B3GNT5: variants seen among roughly 807,000 people sequenced by gnomAD.
The protein encoded by B3GNT5 is lactosylceramide 1,3-N-acetyl-beta-D-glucosaminyltransferase.
In B3GNT5, 11 loss-of-function variants were observed where a neutral mutation model predicts 25.9. The ratio of observed to expected loss-of-function variants is 0.42; its 90% CI spans 0.27 to 0.70. The LOEUF is 0.70. Among genes scored for constraint, B3GNT5 ranks in the 30% least tolerant of loss-of-function variants. B3GNT5 has a pLI of 0.23. For missense variants in B3GNT5, 385 were observed against 458.4 expected, an observed-to-expected ratio of 0.84 and a Z score of 1.46; for synonymous variants, 166 against 158.6, an observed-to-expected ratio of 1.05 and a Z score of -0.35.
intron 1 of B3GNT5, among the ~76,000 whole-genome samples, chr3:183,268,084 A>G (rs1390345051): frequency 6.6e-6 from 1 of 152,236 alleles, no homozygotes; most frequent in East Asian, 1.9e-4. Flanking sequence ...CAGGCTTCCC[A>G]GAGAAGGATG....
intron 1 of B3GNT5, among the ~76,000 whole-genome samples, chr3:183,261,038 T>G (rs982544392): frequency 6.6e-6 from 1 of 152,218 alleles, no homozygotes; most frequent in African/African-American, 2.4e-5. Context: ...AATGTAACAG[T>G]TGCAAAGATA....
rs1726884461 is a variant in B3GNT5, at chr3:183,272,724, A to G, written c.*1789A>G. 9.7e-7 allele frequency: 1 copy of G among 1,031,302 alleles called. No individual in the cohort carries two copies. Among genetic ancestry groups the G allele is most frequent in the Non-Finnish European group, 1.2e-6 (1 of 850,562 alleles). The allele number at this position is 1,031,302 out of a possible 1,614,324, so 63.9% of individuals were successfully genotyped here. On this transcript the variant is annotated 3_prime_UTR_variant, in exon 2 of 2. Transcript: ENST00000326505. ...CAAAAGCATATTTGACCAAGCAACA[A>G]GCTTATAATTAATTTTTATTAGTTG... is the stretch of plus-strand genomic sequence containing the variant.
In B3GNT5 at chr3:183,253,399, G is replaced by A. The variant is rs1724694496; in HGVS notation, c.-375G>A. 1 of 152,252 alleles carries A rather than the reference G, an allele frequency of 6.6e-6. No homozygotes were observed. Among genetic ancestry groups the A allele is most frequent in the African/African-American group, 2.4e-5 (1 of 41,464 alleles). The allele number at this position is 152,252 out of a possible 1,614,324, so 9.4% of individuals were successfully genotyped here. The stretch of plus-strand genomic sequence containing the variant: ...GGAAGGAAAGCCGACCTCCGATTTG[G>A]ACATTTAAAGAGCTGGGCTTGAACT... On this transcript the variant is annotated 5_prime_UTR_variant, in exon 1 of 2. Transcript: ENST00000326505.
intron 1 of B3GNT5, chr3:183,254,721 G>C (rs2108395292): frequency 6.6e-6 from 1 of 152,396 alleles, no homozygotes; most frequent in South Asian, 2.1e-4. Context: ...GAAAGCCCGT[G>C]TCGGGCTGGA....
exon 2 of B3GNT5, chr3:183,273,384 TATC>T (rs1316282034): frequency 3.1e-5 from 6 of 192,196 alleles, no homozygotes; most frequent in Middle Eastern, 2.2e-3. Context: ...ACTGAAAAAT[TATC>T]ATGAGATGTG....
At chr3:183,259,352 A>G (rs1269295946) in intron 1 of B3GNT5, among the ~76,000 whole-genome samples, 2 of 152,092 alleles carry the variant, frequency 1.3e-5, no homozygotes, top group Non-Finnish European at 2.9e-5. Context: ...AGCATGTTTT[A>G]TATCACATTA....
At chr3:183,269,154 C>G (rs537795519) in intron 1 of B3GNT5, among the ~76,000 whole-genome samples, 1 of 148,462 alleles carries the variant, frequency 6.7e-6, no homozygotes, top group East Asian at 2.0e-4. Flanking sequence ...TGACCATATT[C>G]AAGTCAGTAT....
chr3:183,269,331 TA>T (rs150891469), intron 1 of B3GNT5, among the ~76,000 whole-genome samples, 166 bp from the exon 2 acceptor site: 1 of 150,968 alleles, frequency 6.6e-6, no homozygotes, highest in Non-Finnish European at 1.5e-5. Context: ...TGTCCTCCTT[TA>T]AAAAAAATAA....
rs1396705175 is a variant in B3GNT5 at position 183,272,023 on chromosome 3, A to G, written c.*1088A>G. 2 of 467,842 alleles carry G rather than the reference A, an allele frequency of 4.3e-6. No homozygotes were observed. The highest frequency in any genetic ancestry group is 5.8e-6 in the Non-Finnish European group (2 of 343,672). 29.0% of individuals were successfully genotyped at this position (467,842 alleles called of 1,614,324 possible). ...GAGCATTAAACATCAAAGTTATAAT[A>G]TCTAAAACAATTTATTTTTCATCAA... On this transcript the variant is annotated 3_prime_UTR_variant, in exon 2 of 2. Transcript: ENST00000326505.
chr3:183,269,331 T>TA (rs150891469), intron 1 of B3GNT5, among the ~76,000 whole-genome samples, 167 bp from the exon 2 acceptor site: 1 of 150,970 alleles, frequency 6.6e-6, no homozygotes, highest in East Asian at 2.0e-4. Context: ...TGTCCTCCTT[T>TA]AAAAAAAATA....
chr3:183,261,377 G>A (rs1024611302), intron 1 of B3GNT5, among the ~76,000 whole-genome samples: 24 of 151,988 alleles, frequency 1.6e-4, no homozygotes, highest in Non-Finnish European at 2.5e-4. Context: ...GCATAAAGAT[G>A]GTACAGAAGA....
chr3:183,266,837 A>C (rs1355051232), intron 1 of B3GNT5, among the ~76,000 whole-genome samples: 1 of 150,114 alleles, frequency 6.7e-6, no homozygotes, highest in Non-Finnish European at 1.5e-5. Flanking sequence ...CCCAGGCTGG[A>C]GTGCAGTGGC....
At chr3:183,261,934 G>A (rs1420156089) in intron 1 of B3GNT5, among the ~76,000 whole-genome samples, 9 of 139,958 alleles carry the variant, frequency 6.4e-5, no homozygotes, top group East Asian at 2.1e-4. Context: ...TCAGACAACC[G>A]TTTTAGGAGG....
chr3:183,264,648 A>T (rs968501056), intron 1 of B3GNT5, among the ~76,000 whole-genome samples: 2 of 152,212 alleles, frequency 1.3e-5, no homozygotes, highest in Non-Finnish European at 2.9e-5. Context: ...TCTTGATTAA[A>T]ACTTCAAAAC....
In B3GNT5 at chr3:183,272,473, ATACT is replaced by A. The variant is rs1375283404; in HGVS notation, c.*1542_*1545del. On this transcript the variant is annotated 3_prime_UTR_variant, in exon 2 of 2. Transcript: ENST00000326505. ...TCTCAGTATACACAACTGAATGATG[ATACT>A]TACAATTTTTAGCAGGTAGCTTTTT... 9 of 999,364 alleles carry A rather than the reference ATACT, an allele frequency of 9.0e-6. No homozygotes were observed. The highest frequency in any genetic ancestry group is 1.1e-4 in the East Asian group (1 of 8,830). The allele number at this position is 999,364 out of a possible 1,614,324, so 61.9% of individuals were successfully genotyped here. A position where few individuals can be genotyped will look rare whatever the true frequency, so the allele number is the denominator to read the frequency against.
At chr3:183,268,736 A>G (rs74948314) in intron 1 of B3GNT5, among the ~76,000 whole-genome samples, 45 of 152,280 alleles carry the variant, frequency 3.0e-4, no homozygotes, top group African/African-American at 1.0e-3. Flanking sequence ...TCTTACCCCA[A>G]TTTGTCAAAT....
chr3:183,255,889 G>T (rs1343539984), intron 1 of B3GNT5, among the ~76,000 whole-genome samples: 1 of 151,954 alleles, frequency 6.6e-6, no homozygotes, highest in Admixed American at 6.6e-5. Context: ...GTTTTGAAAT[G>T]GGTCATCTTT....
chr3:183,270,144 T>C lies in B3GNT5; in HGVS notation c.346T>C (p.Tyr116His). 1 of 1,614,112 alleles carries C rather than the reference T, an allele frequency of 6.2e-7. No homozygotes were observed. Among genetic ancestry groups the C allele is most frequent in the African/African-American group, 1.3e-5 (1 of 75,022 alleles). The change falls in exon 2 of 2, where the codon TAT becomes CAT. Residue 116 changes from tyrosine to histidine, a missense_variant. Tyr to His is a moderately conservative substitution (Grantham distance 83, BLOSUM62 2). Transcript: ENST00000326505. This position sits in a 1 kb window ranked among gnomAD's most constrained non-coding sequence, Gnocchi z 4.5. Reference sequence around the variant, plus strand: ...TAGAAGGACGTGGGGCAATGAAAATTATGTTCGGTCTCAGCTGAATGCCAA... The same window carrying C: ...TAGAAGGACGTGGGGCAATGAAAATCATGTTCGGTCTCAGCTGAATGCCAA... ...GIRRTWGNEN[Y>H]VRSQLNANIK...
In B3GNT5 at chr3:183,267,915, T is replaced by C. The variant is rs139896119; in HGVS notation, c.-301-1583T>C. Among the ~76,000 whole-genome samples, 27 of 152,242 alleles carry C rather than the reference T, an allele frequency of 1.8e-4. No homozygotes were observed. The highest frequency in any genetic ancestry group is 3.5e-4 in the Non-Finnish European group (24 of 68,010). On this transcript the variant is annotated intron_variant, in intron 1 of 1. Transcript: ENST00000326505. This position sits in a 1 kb window ranked among gnomAD's most constrained non-coding sequence, Gnocchi z 5.5. ...CCGGCATGGTTCTTTGCACCAACAT[T>C]TGGGGAATGCCTACCAGGGGTCACA...
Sources: allele counts gnomAD v4.1 joint callset (sites outside exome capture counted in the v4.1 genomes callset), GRCh38; gene constraint gnomAD v4.1.1; non-coding constraint Gnocchi (gnomAD v3.1); transcripts MANE v1.5; gene names NCBI Gene and HGNC (gene_info 2026-07-23, HGNC 2026-07-21).